ANAPC5: variants seen among roughly 807,000 people sequenced by gnomAD.
The protein encoded by ANAPC5 is anaphase promoting complex subunit 5, also known as anaphase-promoting complex subunit 5.
ANAPC5 carries 60 observed loss-of-function variants against 91.3 expected under a neutral mutation model. That is an observed-to-expected ratio of 0.66 (90% CI 0.53 to 0.81). The LOEUF (loss-of-function observed/expected upper bound fraction) is 0.81, where lower values mean the gene tolerates loss of function less well. ANAPC5 is among the 40% of genes least tolerant of loss of function. The pLI, the probability that ANAPC5 is intolerant of heterozygous loss-of-function variation, is 0.00. For synonymous variants in ANAPC5, 340 were observed against 364.1 expected (o/e 0.93, Z 0.75); for missense variants, 690 against 931.5 (o/e 0.74, Z 3.37).
At chr12:121,330,166 A>C (rs934785812) in intron 9 of ANAPC5, among the ~76,000 whole-genome samples, 5 of 152,080 alleles carry the variant, frequency 3.3e-5, no homozygotes, top group Non-Finnish European at 5.9e-5. Context: ...TTTTTCTGCA[A>C]TCACTTAAAA....
In ANAPC5 at chr12:121,341,649, A is replaced by G. The variant is rs561561263; in HGVS notation, c.657+354T>C. Reference sequence around the variant, plus strand: ...TAATTGTAGAATCGAGGTAATAGGTATGGGTAATTACCATACACTGCTTTT... The same window carrying G: ...TAATTGTAGAATCGAGGTAATAGGTGTGGGTAATTACCATACACTGCTTTT... On this transcript the variant is annotated intron_variant, in intron 5 of 16. Coordinates refer to ENST00000261819, the MANE Select transcript of ANAPC5 (RefSeq NM_016237.5). Among the ~76,000 whole-genome samples, 3 of 152,354 alleles carry G rather than the reference A, an allele frequency of 2.0e-5. No homozygotes were observed. In the South Asian group the frequency reaches 6.2e-4, roughly 32 times the overall value.
intron 15 of ANAPC5, among the ~76,000 whole-genome samples, chr12:121,313,471 T>C (rs1295684505): frequency 6.6e-6 from 1 of 152,146 alleles, no homozygotes; most frequent in Admixed American, 6.6e-5. Flanking sequence ...AACCAAAAGT[T>C]GGTTCTTTGA....
At chr12:121,322,864 A>C (rs1902675271) in intron 11 of ANAPC5, among the ~76,000 whole-genome samples, 3 of 152,100 alleles carry the variant, frequency 2.0e-5, no homozygotes, top group African/African-American at 7.2e-5. Context: ...CTCGACTAAA[A>C]GTACAAAAAA....
intron 15 of ANAPC5, among the ~76,000 whole-genome samples, chr12:121,316,459 C>G (rs903023174): frequency 6.6e-6 from 1 of 151,988 alleles, no homozygotes; most frequent in South Asian, 2.1e-4. Context: ...CAACCCCGGG[C>G]GCGGTGGCTC....
chr12:121,314,848 C>A (rs1424879840), intron 15 of ANAPC5, among the ~76,000 whole-genome samples: 1 of 152,026 alleles, frequency 6.6e-6, no homozygotes, highest in Non-Finnish European at 1.5e-5. Flanking sequence ...CCAGGCTGGT[C>A]TCGAACTCCT....
intron 6 of ANAPC5, 99 bp from the exon 7 acceptor site, chr12:121,335,822 C>T: frequency 1.0e-6 from 1 of 959,180 alleles, no homozygotes; most frequent in Admixed American, 2.8e-5. Context: ...TAGTGTATCC[C>T]ATACCCTTCT....
chr12:121,339,873 T>TG (rs528305787), intron 5 of ANAPC5, among the ~76,000 whole-genome samples: 1 of 128,724 alleles, frequency 7.8e-6, no homozygotes, highest in African/African-American at 3.7e-5. Flanking sequence ...TTCCAGTTTT[T>TG]TTTTTTTTTT....
chr12:121,348,503 A>G (rs1263703267), intron 1 of ANAPC5, among the ~76,000 whole-genome samples: 1 of 152,112 alleles, frequency 6.6e-6, no homozygotes. Context: ...CGTCTCTACT[A>G]AAAACACAAA....
rs537755465 is a variant in ANAPC5 at position 121,318,501 on chromosome 12, C to T, written c.1745G>A (p.Ser582Asn). The T allele has an allele frequency of 1.2e-6, 2 of 1,614,142 alleles. No homozygotes were observed. Among genetic ancestry groups the T allele is most frequent in the South Asian group, 2.2e-5 (2 of 91,074 alleles). ...GTGAGATGTACAAGAGACCCCTTAC[C>T]TGATCACCATTTCTGTGTTCTTCAG... ...QKLKNTEMVI[S>N]VLLSVAELYW... The change falls in exon 14 of 17, where the codon AGT becomes AAT. Residue 582 changes from serine (S) to asparagine (N), a missense_variant and splice_region_variant. Physicochemically the swap from Ser to Asn is conservative, Grantham distance 46. Coordinates refer to ENST00000261819, the MANE Select transcript of ANAPC5 (RefSeq NM_016237.5).
intron 11 of ANAPC5, 65 bp from the exon 12 acceptor site, chr12:121,320,524 C>T: frequency 3.7e-6 from 5 of 1,354,038 alleles, no homozygotes; most frequent in Non-Finnish European, 5.2e-6. Context: ...CTGTACCATG[C>T]ACAGATGGTG....
intron 1 of ANAPC5, among the ~76,000 whole-genome samples, chr12:121,349,144 G>T (rs1351280891): frequency 6.6e-6 from 1 of 152,132 alleles, no homozygotes; most frequent in Admixed American, 6.6e-5. Context: ...TCCCACGTTG[G>T]CCTCCCAAAG....
chr12:121,330,832 C>T (rs1462951315), intron 8 of ANAPC5, 160 bp from the exon 9 acceptor site: 6 of 571,002 alleles, frequency 1.1e-5, no homozygotes, highest in South Asian at 4.3e-5. Context: ...ACCTGTCAAA[C>T]ATATCAACAT....
chr12:121,349,652 G>T (rs1555275085), intron 1 of ANAPC5, among the ~76,000 whole-genome samples: 1 of 150,128 alleles, frequency 6.7e-6, no homozygotes. Flanking sequence ...AAACCAGAAA[G>T]AATTCCAAAC....
At chr12:121,340,968 A>G (rs1198164793) in intron 5 of ANAPC5, among the ~76,000 whole-genome samples, 1 of 152,200 alleles carries the variant, frequency 6.6e-6, no homozygotes, top group Non-Finnish European at 1.5e-5. Flanking sequence ...CTATGCTGAA[A>G]ATAACACAGA....
intron 16 of ANAPC5, 119 bp from the exon 17 acceptor site, chr12:121,308,810 AT>A: frequency 1.2e-6 from 1 of 867,460 alleles, no homozygotes; most frequent in Non-Finnish European, 1.8e-6. Context: ...TATATTCTCC[AT>A]TCTTTGAGAG....
At chr12:121,344,482 G>A (rs1390559294) in intron 4 of ANAPC5, among the ~76,000 whole-genome samples, 2 of 151,950 alleles carry the variant, frequency 1.3e-5, no homozygotes, top group Non-Finnish European at 2.9e-5. Flanking sequence ...TGGTTGGGAG[G>A]TGGAGGCAGG....
chr12:121,347,287 G>A (rs1903705161), intron 2 of ANAPC5: 1 of 366,588 alleles, frequency 2.7e-6, no homozygotes, highest in South Asian at 4.0e-5. Context: ...GGATCCATAA[G>A]GAATAATAAA....
chr12:121,310,277 G>C (rs1459895953), intron 15 of ANAPC5: 13 of 153,712 alleles, frequency 8.5e-5, no homozygotes, highest in Non-Finnish European at 1.6e-4. Context: ...TGGTACACTA[G>C]AGCTGGGCAC....
At chr12:121,351,248 C>T (rs1903880937) in intron 1 of ANAPC5, 1 of 333,604 alleles carries the variant, frequency 3.0e-6, no homozygotes, top group Non-Finnish European at 5.9e-6. Flanking sequence ...TGACCCGCGC[C>T]TGTACTCCCA....
Sources: gnomAD v4.1 joint callset for allele counts (sites outside exome capture counted in the v4.1 genomes callset) on GRCh38, gnomAD v4.1.1 for gene constraint, MANE v1.5 for transcripts, NCBI Gene and HGNC (gene_info 2026-07-23, HGNC 2026-07-21) for gene names.